Variants in PCDHGA1 observed in about 807,000 individuals in gnomAD.
PCDHGA1 encodes protocadherin gamma subfamily A, 1.
In PCDHGA1, 32 loss-of-function variants were observed where a neutral mutation model predicts 58.0. That is an observed-to-expected ratio of 0.55 (90% CI 0.42 to 0.74). The LOEUF is 0.74. Among genes scored for constraint, PCDHGA1 ranks in the 30% least tolerant of loss-of-function variants. The pLI is 0.00. For synonymous variants in PCDHGA1, 498 were observed against 501.1 expected, an observed-to-expected ratio of 0.99 and a Z score of 0.08; for missense variants, 1,205 against 1,182.3, an observed-to-expected ratio of 1.02 and a Z score of -0.28.
intron 1 of PCDHGA1, chr5:141,389,222 C>T (rs765730840): frequency 6.2e-7 from 1 of 1,614,072 alleles, no homozygotes; most frequent in Non-Finnish European, 8.5e-7. Flanking sequence ...TAAATGACAA[C>T]GCTCCGGTTT....
At chr5:141,412,936 A>T in intron 1 of PCDHGA1, 1 of 459,508 alleles carries the variant, frequency 2.2e-6, no homozygotes, top group African/African-American at 2.0e-5. Flanking sequence ...ACTTCTTAGG[A>T]CTCTGAGCGC....
At chr5:141,435,516 C>T (rs2097767967) in intron 1 of PCDHGA1, among the ~76,000 whole-genome samples, 1 of 152,058 alleles carries the variant, frequency 6.6e-6, no homozygotes, top group Non-Finnish European at 1.5e-5. Context: ...CTAATGATGA[C>T]TTTGTGGAAT....
At chr5:141,492,560 G>T (rs2099742000) in intron 1 of PCDHGA1, among the ~76,000 whole-genome samples, 1 of 152,156 alleles carries the variant, frequency 6.6e-6, no homozygotes, top group Non-Finnish European at 1.5e-5. Context: ...CCTGGGGGGC[G>T]GCCTGAGCGA....
chr5:141,404,363 A>G (rs1459982001), intron 1 of PCDHGA1: 15 of 1,613,846 alleles, frequency 9.3e-6, no homozygotes, highest in African/African-American at 1.3e-5. Flanking sequence ...AGGTACTTCC[A>G]TCTTCTCCGT....
At chr5:141,388,893 G>A in intron 1 of PCDHGA1, 1 of 1,613,982 alleles carries the variant, frequency 6.2e-7, no homozygotes. Context: ...AGAAGTCATA[G>A]ATGAAAATGA....
chr5:141,410,450 T>G, intron 1 of PCDHGA1: 1 of 1,614,052 alleles, frequency 6.2e-7, no homozygotes, highest in Non-Finnish European at 8.5e-7. Flanking sequence ...GACTTTGCCT[T>G]ATTCTTATAA....
At chr5:141,461,794 C>T (rs191966750) in intron 1 of PCDHGA1, among the ~76,000 whole-genome samples, 7 of 152,134 alleles carry the variant, frequency 4.6e-5, no homozygotes, top group African/African-American at 1.7e-4. Flanking sequence ...GCTGGGATTA[C>T]AGGTGCCCAC....
chr5:141,490,399 C>T lies in PCDHGA1; in HGVS notation c.2422-4408C>T. The T allele has an allele frequency of 1.2e-6, 2 of 1,614,148 alleles. No homozygotes were observed. Among genetic ancestry groups the T allele is most frequent in the Non-Finnish European group, 1.7e-6 (2 of 1,180,016 alleles). On this transcript the variant is annotated intron_variant, in intron 1 of 3. Transcript: ENST00000517417. This position sits in a 1 kb window ranked among gnomAD's most constrained non-coding sequence, Gnocchi z 5.4. ...CTCAGGTAGAAATGGTGAAGTGAGC[C>T]TTGATATCTCTCCGGACCTGCCATT... is the stretch of plus-strand genomic sequence containing the variant.
intron 1 of PCDHGA1, chr5:141,409,612 C>T: frequency 6.2e-7 from 1 of 1,613,908 alleles, no homozygotes; most frequent in Non-Finnish European, 8.5e-7. Flanking sequence ...CAGGAGCCTC[C>T]ATTGCGCAAG....
At chr5:141,354,636 C>T (rs1432880268) in intron 1 of PCDHGA1, among the ~76,000 whole-genome samples, 2 of 152,202 alleles carry the variant, frequency 1.3e-5, no homozygotes, top group African/African-American at 4.8e-5. Context: ...TTATCTGTCT[C>T]ATCCATTTTT....
intron 1 of PCDHGA1, among the ~76,000 whole-genome samples, chr5:141,362,956 G>A (rs1040793401): frequency 1.3e-5 from 2 of 152,180 alleles, no homozygotes; most frequent in Middle Eastern, 3.2e-3. Flanking sequence ...TTTGGAAATT[G>A]GGAAACAAAG....
intron 1 of PCDHGA1, among the ~76,000 whole-genome samples, chr5:141,457,384 G>A (rs2154565902): frequency 6.6e-6 from 1 of 152,270 alleles, no homozygotes; most frequent in African/African-American, 2.4e-5. Context: ...CCCAGAACTA[G>A]CATATTGATT....
chr5:141,332,812 G>A lies in PCDHGA1; in HGVS notation c.2128G>A (p.Val710Met). The A allele has an allele frequency of 6.2e-7, 1 of 1,614,180 alleles. No individual in the cohort carries two copies. Among genetic ancestry groups the A allele is most frequent in the Non-Finnish European group, 8.5e-7 (1 of 1,180,026 alleles). The change falls in exon 1 of 4, where the codon GTG becomes ATG. Residue 710 changes from valine (V) to methionine (M), a missense_variant. Val to Met is a conservative substitution (Grantham distance 21). Coordinates refer to ENST00000517417, the MANE Select transcript of PCDHGA1 (RefSeq NM_018912.3). This position sits in a 1 kb window ranked among gnomAD's most constrained non-coding sequence, Gnocchi z 4.6. The part of the protein sequence containing the change: ...VSCVFLAFVI[V>M]LLAHRLRRWH... ...CTGCGTCTTCCTGGCCTTCGTCATC[G>A]TGCTGCTGGCGCACAGGCTGCGGCG...
At chr5:141,392,577 T>C in intron 1 of PCDHGA1, 1 of 462,996 alleles carries the variant, frequency 2.2e-6, no homozygotes. Context: ...TTTAGGACTG[T>C]AAGCGCCGCT....
chr5:141,352,091 G>A (rs767662571), intron 1 of PCDHGA1: 3 of 1,605,050 alleles, frequency 1.9e-6, no homozygotes, highest in Admixed American at 1.7e-5. Context: ...CAGCGAGCCC[G>A]GGCTCTTCAG....
intron 1 of PCDHGA1, chr5:141,361,035 A>C: frequency 6.2e-7 from 1 of 1,613,478 alleles, no homozygotes; most frequent in Non-Finnish European, 8.5e-7. Context: ...AAACAGGAGA[A>C]ATCACGACAA....
intron 1 of PCDHGA1, among the ~76,000 whole-genome samples, chr5:141,459,692 G>A (rs891511502): frequency 2.6e-5 from 4 of 152,134 alleles, no homozygotes; most frequent in African/African-American, 9.7e-5. Flanking sequence ...AAAGCGTTCC[G>A]CTTGCTACAT....
chr5:141,467,811 A>T (rs562932160), intron 1 of PCDHGA1, among the ~76,000 whole-genome samples: 1 of 152,164 alleles, frequency 6.6e-6, no homozygotes, highest in African/African-American at 2.4e-5. Flanking sequence ...GGCACATGCC[A>T]CCACACCAGG....
intron 1 of PCDHGA1, among the ~76,000 whole-genome samples, chr5:141,354,742 A>G (rs1561507163): frequency 6.6e-6 from 1 of 152,224 alleles, no homozygotes; most frequent in Non-Finnish European, 1.5e-5. Context: ...TGAAAACTGA[A>G]AAGAGGAAGA....
Sources: allele counts gnomAD v4.1 joint callset (sites outside exome capture counted in the v4.1 genomes callset), GRCh38; gene constraint gnomAD v4.1.1; non-coding constraint Gnocchi (gnomAD v3.1); transcripts MANE v1.5; gene names NCBI Gene and HGNC (gene_info 2026-07-23, HGNC 2026-07-21).